The following CSMD3 variants were observed in gnomAD, a reference collection of about 807,000 sequenced individuals.
The protein encoded by CSMD3 is CUB and Sushi multiple domains 3, also known as CUB and sushi domain-containing protein 3.
Under a neutral mutation model 435.2 loss-of-function variants are expected in CSMD3, and 177 were observed. The ratio of observed to expected loss-of-function variants is 0.41; its 90% CI spans 0.36 to 0.46. The LOEUF is 0.46. CSMD3 is among the 20% of genes least tolerant of loss of function. CSMD3 has a pLI of 0.34. For synonymous variants in CSMD3, 1,656 were observed against 1,520.5 expected (o/e 1.09, Z -2.07); for missense variants, 4,265 against 4,504.6 (o/e 0.95, Z 1.52).
chr8:113,087,886 C>T (rs1588048192), intron 5 of CSMD3, among the ~76,000 whole-genome samples: 1 of 152,102 alleles, frequency 6.6e-6, no homozygotes, highest in African/African-American at 2.4e-5. Flanking sequence ...AGAGCTTCTG[C>T]ACAGCAAATA....
intron 30 of CSMD3, among the ~76,000 whole-genome samples, chr8:112,494,499 CTTTCTTTCTTT>C (rs1821075279): frequency 5.8e-5 from 1 of 17,110 alleles, no homozygotes; most frequent in Non-Finnish European, 1.7e-4. Context: ...TCTCTCCTTT[CTTTCTTTCTTT>C]CTTTCTTTCT....
intron 3 of CSMD3, among the ~76,000 whole-genome samples, chr8:113,219,125 A>G (rs1563562134): frequency 6.6e-6 from 1 of 151,436 alleles, no homozygotes; most frequent in East Asian, 1.9e-4. Flanking sequence ...ATCTTATTTA[A>G]AGGAGGAAAT....
At chr8:113,058,775 T>C (rs2088466945) in intron 5 of CSMD3, among the ~76,000 whole-genome samples, 1 of 152,024 alleles carries the variant, frequency 6.6e-6, no homozygotes, top group Non-Finnish European at 1.5e-5. Context: ...TCTTATGGCT[T>C]CACTTATTTT....
At chr8:112,308,955 T>C (rs1040694338) in intron 50 of CSMD3, among the ~76,000 whole-genome samples, 11 of 152,028 alleles carry the variant, frequency 7.2e-5, no homozygotes, top group African/African-American at 2.4e-4. Flanking sequence ...TTCATTTCAA[T>C]TAGTAATGTC....
chr8:113,394,808 A>T lies in CSMD3; in HGVS notation c.178+41869T>A, dbSNP rs182488327. On this transcript the variant is annotated intron_variant, in intron 1 of 70. Transcript: ENST00000297405. Reference sequence around the variant, plus strand: ...TATTGAAAGAAAATTTAAAAAAAAAATTTAACTATGTTAAGCACTATAATC... The same window carrying T: ...TATTGAAAGAAAATTTAAAAAAAAATTTTAACTATGTTAAGCACTATAATC... Among the ~76,000 whole-genome samples, 25 of 152,294 alleles carry T rather than the reference A, an allele frequency of 1.6e-4. No individual in the cohort carries two copies. In the East Asian group the frequency reaches 4.8e-3, roughly 29 times the overall value.
At chr8:113,048,133 C>T (rs1177987067) in intron 5 of CSMD3, among the ~76,000 whole-genome samples, 1 of 149,782 alleles carries the variant, frequency 6.7e-6, no homozygotes, top group East Asian at 2.0e-4. Context: ...CGCTCTGTCG[C>T]CCAGGCTGGA....
At chr8:112,321,768 G>A (rs957131581) in intron 45 of CSMD3, among the ~76,000 whole-genome samples, 7 of 152,160 alleles carry the variant, frequency 4.6e-5, no homozygotes, top group African/African-American at 7.2e-5. Context: ...CTTGCTGTGC[G>A]TGGATGTTAA....
chr8:113,031,298 G>T (rs1024301740), intron 5 of CSMD3, among the ~76,000 whole-genome samples: 9 of 151,634 alleles, frequency 5.9e-5, no homozygotes, highest in African/African-American at 2.2e-4. Context: ...CCATATCATG[G>T]AATACTACTC....
chr8:112,953,744 T>G (rs555792812), intron 8 of CSMD3, among the ~76,000 whole-genome samples: 16 of 151,580 alleles, frequency 1.1e-4, no homozygotes, highest in African/African-American at 3.9e-4. Context: ...AAGTCCTTTT[T>G]GATATAGCTA....
intron 9 of CSMD3, among the ~76,000 whole-genome samples, chr8:112,931,999 G>T (rs1305185870): frequency 6.6e-6 from 1 of 152,116 alleles, no homozygotes; most frequent in East Asian, 1.9e-4. Context: ...TGTTGGTGGA[G>T]ATGTAAATTA....
intron 27 of CSMD3, among the ~76,000 whole-genome samples, chr8:112,530,604 C>T (rs1199227299): frequency 2.6e-5 from 4 of 152,306 alleles, no homozygotes; most frequent in Non-Finnish European, 4.4e-5. Context: ...GCTGAAGGAG[C>T]TCATCACCAT....
chr8:112,331,484 T>A (rs1240854504), intron 45 of CSMD3, among the ~76,000 whole-genome samples: 1 of 151,986 alleles, frequency 6.6e-6, no homozygotes, highest in East Asian at 1.9e-4. Context: ...CATAAAAGGC[T>A]TTACGAAGGT....
At chr8:112,791,120 C>T (rs566197216) in intron 13 of CSMD3, among the ~76,000 whole-genome samples, 66 of 151,982 alleles carry the variant, frequency 4.3e-4, no homozygotes, top group African/African-American at 1.4e-3. Context: ...CCCAAGAGTT[C>T]GAGACCAGCC....
At chr8:112,854,751 A>C (rs936044910) in intron 11 of CSMD3, among the ~76,000 whole-genome samples, 1 of 152,178 alleles carries the variant, frequency 6.6e-6, no homozygotes, top group Non-Finnish European at 1.5e-5. Context: ...CCGAGTTTTC[A>C]GAGTCATTTC....
In CSMD3 at chr8:112,567,022, C is replaced by G. The variant is rs148308701; in HGVS notation, c.4042+6479G>C. 3.6e-3 allele frequency among the ~76,000 whole-genome samples: 542 copies of G among 152,248 alleles called. 2 individuals carry two copies. The highest frequency in any genetic ancestry group is 0.013 in the African/African-American group (520 of 41,560). On this transcript the variant is annotated intron_variant, in intron 24 of 70. Transcript: ENST00000297405. ...GCTCTTTCTTTTGGCTATTAAACCT[C>G]TGCTCCTAAACCCACTTCTTGTGTC...
intron 3 of CSMD3, among the ~76,000 whole-genome samples, chr8:113,192,548 C>T (rs1309602864): frequency 2.0e-5 from 3 of 151,642 alleles, no homozygotes; most frequent in Non-Finnish European, 4.4e-5. Flanking sequence ...TAAATGACTA[C>T]TGCTGCTGCT....
At chr8:112,260,902 C>T (rs866663786) in intron 61 of CSMD3, among the ~76,000 whole-genome samples, 8 of 152,070 alleles carry the variant, frequency 5.3e-5, no homozygotes, top group South Asian at 4.1e-4. Context: ...TGGACTTCTC[C>T]ACTACTCAAT....
chr8:112,881,701 T>G (rs1461732146), intron 10 of CSMD3, among the ~76,000 whole-genome samples: 3 of 151,970 alleles, frequency 2.0e-5, no homozygotes, highest in Non-Finnish European at 2.9e-5. Flanking sequence ...TGAGGTTTCA[T>G]TAGAAACTTT....
chr8:113,099,801 G>C (rs1797293466), intron 4 of CSMD3, among the ~76,000 whole-genome samples: 1 of 152,000 alleles, frequency 6.6e-6, no homozygotes, highest in South Asian at 2.1e-4. Flanking sequence ...TTTCATAAAG[G>C]AATTGAAGCT....
Sources: gnomAD v4.1 joint callset for allele counts (sites outside exome capture counted in the v4.1 genomes callset) on GRCh38, gnomAD v4.1.1 for gene constraint, MANE v1.5 for transcripts, NCBI Gene and HGNC (gene_info 2026-07-23, HGNC 2026-07-21) for gene names.